Variants in SYNE2 observed in about 807,000 individuals in gnomAD.
SYNE2 encodes the protein spectrin repeat containing nuclear envelope protein 2.
SYNE2 carries 431 observed loss-of-function variants against 856.3 expected under a neutral mutation model. The observed-to-expected ratio is 0.50, with a 90% CI of 0.47 to 0.55. SYNE2 has a LOEUF of 0.55. Ranked by LOEUF, SYNE2 falls within the 20% of genes least tolerant of loss-of-function variation. The pLI is 0.00. For missense variants in SYNE2, 8,129 were observed against 8,023.2 expected, an observed-to-expected ratio of 1.01 and a Z score of -0.50; for synonymous variants, 2,923 against 2,872.3, an observed-to-expected ratio of 1.02 and a Z score of -0.56.
At chr14:63,815,604 G>T (rs1255634766) in intron 1 of SYNE2, among the ~76,000 whole-genome samples, 1 of 151,888 alleles carries the variant, frequency 6.6e-6, no homozygotes, top group Non-Finnish European at 1.5e-5. Flanking sequence ...TCAATACTTT[G>T]CATCCTTCAA....
intron 65 of SYNE2, among the ~76,000 whole-genome samples, chr14:64,109,465 C>T (rs1272216220): frequency 6.6e-6 from 1 of 152,116 alleles, no homozygotes; most frequent in Non-Finnish European, 1.5e-5. Flanking sequence ...TGCCCAAGGT[C>T]ATTTAGCTAG....
At chr14:63,828,742 A>T (rs1889557276) in intron 1 of SYNE2, among the ~76,000 whole-genome samples, 1 of 152,018 alleles carries the variant, frequency 6.6e-6, no homozygotes, top group Admixed American at 6.6e-5. Context: ...AAAAATAAAT[A>T]AATAAATAAA....
Position 63,882,597 on chromosome 14 carries a change from C to T in SYNE2, c.-51-26501C>T, listed in dbSNP as rs571092947. Among the ~76,000 whole-genome samples the T allele has an allele frequency of 5.7e-4, 87 of 151,838 alleles. 2 individuals carry two copies. In the South Asian group the frequency reaches 0.015, roughly 27 times the overall value. On this transcript the variant is annotated intron_variant, in intron 1 of 115. Coordinates refer to ENST00000555002, the MANE Select transcript of SYNE2 (RefSeq NM_182914.3). ...AAAATTAGCTGGGTGTGGTGTCACA[C>T]GCCTGTGGTCCCAGCTACTTGGGAG...
chr14:64,045,867 G>C (rs140204204), intron 45 of SYNE2, among the ~76,000 whole-genome samples: 1 of 152,186 alleles, frequency 6.6e-6, no homozygotes, highest in African/African-American at 2.4e-5. Context: ...CAGTTACAGA[G>C]AAGTTGCAGA....
chr14:64,136,668 T>G (rs1204778575), intron 78 of SYNE2, among the ~76,000 whole-genome samples: 1 of 152,254 alleles, frequency 6.6e-6, no homozygotes, highest in Non-Finnish European at 1.5e-5. Flanking sequence ...GAAGTTGGAT[T>G]AATGATACGC....
chr14:64,049,507 T>A, intron 46 of SYNE2, 104 bp from the exon 47 acceptor site: 1 of 1,180,682 alleles, frequency 8.5e-7, no homozygotes, highest in Non-Finnish European at 1.2e-6. Context: ...TGAGTTACCC[T>A]CTTCCTGAGA....
chr14:63,894,125 A>C (rs1277337945), intron 1 of SYNE2, among the ~76,000 whole-genome samples: 2 of 152,118 alleles, frequency 1.3e-5, no homozygotes, highest in East Asian at 3.8e-4. Context: ...GTATAAGATA[A>C]GATGGTTTTA....
chr14:63,907,778 C>T (rs2095425923), intron 1 of SYNE2, among the ~76,000 whole-genome samples: 1 of 152,118 alleles, frequency 6.6e-6, no homozygotes, highest in Non-Finnish European at 1.5e-5. Flanking sequence ...CTTTGTCACT[C>T]ATCAGGCTGC....
At position 63,986,586 on chromosome 14, in the gene SYNE2, A is replaced by G. The variant is rs775044468; in HGVS notation, c.2282A>G (p.Asp761Gly). The G allele has an allele frequency of 2.5e-6, 4 of 1,614,050 alleles. No homozygotes were observed. The African/African-American group carries it at 5.3e-5, about 22-fold the overall frequency. The change falls in exon 19 of 116, where the codon GAT becomes GGT. Residue 761 changes from aspartate (D) to glycine (G), a missense_variant. Physicochemically the swap from Asp to Gly is moderately conservative, Grantham distance 94. Around this residue, in one of 3 missense-constraint regions of SYNE2, gnomAD observed 2,422 missense variants for 2,357.4 expected, o/e 1.03. Transcript: ENST00000555002. ...AEAKSVLDQD[D>G]VDTSMEESLK... ...GCCAAATCTGTTTTGGATCAAGATG[A>G]TGTGGACACCTCAATGGAAGAATCT... is the stretch of plus-strand genomic sequence containing the variant.
intron 65 of SYNE2, among the ~76,000 whole-genome samples, chr14:64,110,782 A>G (rs1007485027): frequency 6.6e-6 from 1 of 152,082 alleles, no homozygotes; most frequent in Non-Finnish European, 1.5e-5. Flanking sequence ...CTCAGAAGCA[A>G]CATGGTAAAA....
At chr14:63,979,925 G>GA in intron 14 of SYNE2, among the ~76,000 whole-genome samples, 1 of 151,692 alleles carries the variant, frequency 6.6e-6, no homozygotes, top group Non-Finnish European at 1.5e-5. Context: ...AAATAGAAAT[G>GA]AGGGGGGGAA....
chr14:63,876,249 C>A (rs1397479308), intron 1 of SYNE2, among the ~76,000 whole-genome samples: 1,582 of 117,064 alleles, frequency 0.014, no homozygotes, highest in Non-Finnish European at 0.015. Flanking sequence ...TCTATCTCTA[C>A]AAAAAAAAAA....
chr14:63,927,410 T>A (rs1159887231), intron 2 of SYNE2, among the ~76,000 whole-genome samples: 2 of 152,018 alleles, frequency 1.3e-5, no homozygotes, highest in East Asian at 3.9e-4. Flanking sequence ...CCCACCCAAA[T>A]CTCATCTTGA....
chr14:64,224,685 C>A, intron 114 of SYNE2, 138 bp downstream of exon 114: 1 of 948,102 alleles, frequency 1.1e-6, no homozygotes, highest in Non-Finnish European at 1.7e-6. Context: ...GAGAGGCTTA[C>A]AGTCTGCCTC....
Position 64,049,940 on chromosome 14 carries a change from C to G in SYNE2, c.7643+64C>G, listed in dbSNP as rs201145046. On this transcript the variant is annotated intron_variant, in intron 47 of 115. Coordinates refer to ENST00000555002, the MANE Select transcript of SYNE2 (RefSeq NM_182914.3). ...AAGCACAACCATCTGCCACCTTGGACAGGCCCAGGGTTTTAAGAGTTTATA... is the reference window on the plus strand; with the variant it reads ...AAGCACAACCATCTGCCACCTTGGAGAGGCCCAGGGTTTTAAGAGTTTATA... The G allele has an allele frequency of 3.1e-5, 49 of 1,586,348 alleles. No individual in the cohort carries two copies. In the East Asian group the frequency reaches 8.3e-4, roughly 27 times the overall value.
chr14:63,892,358 C>T (rs1457646702), intron 1 of SYNE2, among the ~76,000 whole-genome samples: 1 of 151,886 alleles, frequency 6.6e-6, no homozygotes, highest in African/African-American at 2.4e-5. Flanking sequence ...TTCACAGTTC[C>T]TCCATTCCCC....
chr14:64,070,649 A>C lies in SYNE2; in HGVS notation c.10436A>C (p.Glu3479Ala). 6.2e-7 allele frequency: 1 copy of C among 1,613,152 alleles called. No individual in the cohort carries two copies. ...QEWKFVSEEI[E>A]REAIILDNLQ... ...TCTTTTTGTTTTTTGAATTAGATTG[A>C]ACGAGAGGCAATTATTTTAGATAAT... The change falls in exon 52 of 116, where the codon GAA becomes GCA. Residue 3479 changes from glutamate to alanine, a missense_variant. Transcript: ENST00000555002.
At chr14:64,133,614 G>A (rs181945542) in intron 77 of SYNE2, among the ~76,000 whole-genome samples, 73 of 152,314 alleles carry the variant, frequency 4.8e-4, no homozygotes, top group African/African-American at 1.6e-3. Flanking sequence ...GCTGCAAGTG[G>A]CATGGGGGTT....
intron 113 of SYNE2, among the ~76,000 whole-genome samples, chr14:64,224,066 T>C (rs1152586): frequency 0.67 from 100,824 of 151,592 alleles, 35,128 homozygotes; most frequent in African/African-American, 0.89. Flanking sequence ...GATTTAAGGC[T>C]GGGCACAGTG....
Sources: allele counts gnomAD v4.1 joint callset (sites outside exome capture counted in the v4.1 genomes callset), GRCh38; gene constraint gnomAD v4.1.1; regional missense constraint gnomAD v4.1.1; transcripts MANE v1.5; gene names NCBI Gene and HGNC (gene_info 2026-07-23, HGNC 2026-07-21).